PHKA1: variants seen among roughly 807,000 people sequenced by gnomAD.
PHKA1 encodes the protein phosphorylase b kinase regulatory subunit alpha, skeletal muscle isoform.
Under a neutral mutation model 110.2 loss-of-function variants are expected in PHKA1, and 60 were observed. The ratio of observed to expected loss-of-function variants is 0.54; its 90% CI spans 0.44 to 0.68. The LOEUF (loss-of-function observed/expected upper bound fraction) is 0.68. PHKA1 is among the 30% of genes least tolerant of loss of function. The pLI, the probability that PHKA1 is intolerant of heterozygous loss-of-function variation, is 0.00. For synonymous variants in PHKA1, 316 were observed against 333.6 expected (o/e 0.95, Z 0.58); for missense variants, 801 against 942.5 (o/e 0.85, Z 1.97).
chrX:72,699,877 C>T (rs782446987), intron 3 of PHKA1, among the ~76,000 whole-genome samples: 5 of 111,723 alleles, frequency 4.5e-5, no homozygotes, highest in Middle Eastern at 9.2e-3. Context: ...CAGGGACTAT[C>T]GTGGAAGAAG....
chrX:72,711,185 A>G (rs1321456063), intron 2 of PHKA1, among the ~76,000 whole-genome samples: 2 of 111,671 alleles, frequency 1.8e-5, no homozygotes, highest in Admixed American at 9.5e-5. Flanking sequence ...TAACTGGGCC[A>G]AATAAGAAAA....
intron 3 of PHKA1, among the ~76,000 whole-genome samples, chrX:72,703,564 C>G (rs1050088092): frequency 1.8e-5 from 2 of 110,660 alleles, no homozygotes; most frequent in Non-Finnish European, 3.8e-5. Context: ...ACCTGTAGTC[C>G]CAGTGATGCG....
At chrX:72,635,942 G>A (rs2053224757) in intron 15 of PHKA1, among the ~76,000 whole-genome samples, 1 of 111,495 alleles carries the variant, frequency 9.0e-6, no homozygotes, top group Non-Finnish European at 1.9e-5. Context: ...TTTAGTAGCT[G>A]AATAAAAAAG....
chrX:72,674,267 ATG>A (rs1424261303), intron 6 of PHKA1, among the ~76,000 whole-genome samples: 1 of 110,408 alleles, frequency 9.1e-6, no homozygotes, highest in Non-Finnish European at 1.9e-5. Flanking sequence ...CAATAAACAT[ATG>A]TGTGCATGTG....
Position 72,620,788 on chromosome X carries a change from C to T in PHKA1, c.2074G>A (p.Ala692Thr). 8.3e-7 allele frequency: 1 copy of T among 1,210,446 alleles called. No individual in the cohort carries two copies. The highest frequency in any genetic ancestry group is 1.1e-6 in the Non-Finnish European group (1 of 895,011). ...QKGGLDRFQA[A>T]VQTTCDLMSL... Reference sequence around the variant, plus strand: ...ATTAAGTCGCAGGTTGTTTGCACAGCAGCTTGGAACCGATCTAGCCCTCCC... The same window carrying T: ...ATTAAGTCGCAGGTTGTTTGCACAGTAGCTTGGAACCGATCTAGCCCTCCC... Residue 692 changes from alanine (A) to threonine (T), a missense_variant, in exon 19 of 32, where the codon GCT becomes ACT. Ala to Thr is a moderately conservative substitution (Grantham distance 58). This residue lies in a region of PHKA1 where 502 missense variants were observed against 519.2 expected (regional missense o/e 0.97). Transcript: ENST00000373542.
intron 8 of PHKA1, among the ~76,000 whole-genome samples, chrX:72,658,150 C>A (rs782480841): frequency 8.0e-5 from 9 of 112,121 alleles, no homozygotes; most frequent in African/African-American, 2.9e-4. Flanking sequence ...CCATAGAAAT[C>A]TGCCAAAACT....
chrX:72,704,568 T>G (rs1215742629), intron 3 of PHKA1, among the ~76,000 whole-genome samples: 2 of 108,679 alleles, frequency 1.8e-5, no homozygotes, highest in Non-Finnish European at 3.8e-5. Context: ...GGGTTTTGTG[T>G]ATGTGCATGT....
At position 72,593,256 on chromosome X, in the gene PHKA1, T is replaced by A; in HGVS notation, c.3091A>T (p.Thr1031Ser). 1 of 1,198,642 alleles carries A rather than the reference T, an allele frequency of 8.3e-7. No homozygotes were observed. The highest frequency in any genetic ancestry group is 1.7e-5 in the African/African-American group (1 of 57,490). ...AESQSPGTSM[T>S]PSSGSFPSAY... ...CTAGGAAAGGACCCACTACTTGGAG[T>A]CATAGAGGTTCCAGGTGACTTGGAA... The change falls in exon 29 of 32, where the codon ACT becomes TCT. Residue 1031 changes from threonine (T) to serine (S), a missense_variant. Thr to Ser is a moderately conservative substitution (Grantham distance 58). Around this residue, in one of 2 missense-constraint regions of PHKA1, gnomAD observed 502 missense variants for 519.2 expected, o/e 0.97. Coordinates refer to ENST00000373542, the MANE Select transcript of PHKA1 (RefSeq NM_002637.4).
chrX:72,671,329 A>G (rs1556309018), intron 6 of PHKA1, among the ~76,000 whole-genome samples: 1 of 110,999 alleles, frequency 9.0e-6, no homozygotes, highest in East Asian at 2.8e-4. Flanking sequence ...GTGAACTCCC[A>G]TTCACAATTG....
intron 3 of PHKA1, among the ~76,000 whole-genome samples, chrX:72,703,413 T>C (rs1254449840): frequency 8.9e-6 from 1 of 112,297 alleles, no homozygotes; most frequent in Non-Finnish European, 1.9e-5. Context: ...GCAAGGTGGC[T>C]CATGCCTATA....
chrX:72,605,295 G>A lies in PHKA1; in HGVS notation c.2791C>T (p.Leu931=). 8.3e-7 allele frequency: 1 copy of A among 1,205,138 alleles called. No homozygotes were observed. Among genetic ancestry groups the A allele is most frequent in the Non-Finnish European group, 1.1e-6 (1 of 889,382 alleles). The change falls in exon 25 of 32, where the codon CTG becomes TTG. Residue 931 remains leucine (L), a synonymous_variant. Transcript: ENST00000373542. ...GLIIQVMATE[L]AHSLRCSAEE... ...CCTGAGCATCGAAGGGAGTGGGCCA[G>A]TTCTGTTGCCATAACTTGTATGATC...
In PHKA1 at chrX:72,605,279, C is replaced by T; in HGVS notation, c.2807G>A (p.Arg936Gln). The T allele has an allele frequency of 3.3e-6, 4 of 1,203,089 alleles. No individual in the cohort carries two copies. The highest frequency in any genetic ancestry group is 1.7e-5 in the African/African-American group (1 of 57,605). The change falls in exon 25 of 32, where the codon CGA becomes CAA. Residue 936 changes from arginine to glutamine, a missense_variant. This residue lies in a region of PHKA1 where 502 missense variants were observed against 519.2 expected (regional missense o/e 0.97). Coordinates refer to ENST00000373542, the MANE Select transcript of PHKA1 (RefSeq NM_002637.4). ...VMATELAHSL[R>Q]CSAEEATEGL... The stretch of plus-strand genomic sequence containing the variant: ...GTTACTGAATTAAGTACCTGAGCAT[C>T]GAAGGGAGTGGGCCAGTTCTGTTGC...
chrX:72,688,344 C>T (rs1465997107), intron 4 of PHKA1, among the ~76,000 whole-genome samples: 2 of 111,894 alleles, frequency 1.8e-5, no homozygotes, highest in Admixed American at 9.5e-5. Context: ...CTTGGAAAGA[C>T]GCCGGTAAAG....
At chrX:72,605,668 C>T in intron 23 of PHKA1, 49 bp from the exon 24 acceptor site, 5 of 942,587 alleles carry the variant, frequency 5.3e-6, no homozygotes, top group Non-Finnish European at 7.6e-6. Context: ...ACCACTTAAT[C>T]TTAAATATGT....
intron 22 of PHKA1, among the ~76,000 whole-genome samples, chrX:72,609,935 G>T (rs1556257856): frequency 9.1e-6 from 1 of 110,454 alleles, no homozygotes; most frequent in African/African-American, 3.3e-5. Context: ...GGTTTATGGG[G>T]TTTTTTTCTT....
intron 13 of PHKA1, among the ~76,000 whole-genome samples, chrX:72,648,573 T>C (rs1196099692): frequency 9.0e-6 from 1 of 111,479 alleles, no homozygotes; most frequent in African/African-American, 3.3e-5. Flanking sequence ...TGTCTTTTTT[T>C]TTCCCCAATA....
intron 4 of PHKA1, among the ~76,000 whole-genome samples, chrX:72,690,180 T>A (rs1159564635): frequency 1.8e-5 from 2 of 111,769 alleles, no homozygotes; most frequent in African/African-American, 6.5e-5. Flanking sequence ...ATGGGGTCCT[T>A]TGAAGCACAA....
rs1556296540 is a variant in PHKA1, at chrX:72,644,392, G to A, written c.1429C>T (p.Arg477Cys). The part of the protein sequence containing the change: ...EVYPIRVQPA[R>C]ILSHIYSSLG... Reference sequence around the variant, plus strand: ...CTGGAATAAATGTGGCTGAGAATACGAGCTGGTTGTACTCTGATGGGGTAT... The same window carrying A: ...CTGGAATAAATGTGGCTGAGAATACAAGCTGGTTGTACTCTGATGGGGTAT... The change falls in exon 14 of 32, where the codon CGT becomes TGT. Residue 477 changes from arginine to cysteine, a missense_variant. Arg to Cys is a radical substitution (Grantham distance 180). This residue lies in a region of PHKA1 where 299 missense variants were observed against 423.3 expected (regional missense o/e 0.71). Coordinates refer to ENST00000373542, the MANE Select transcript of PHKA1 (RefSeq NM_002637.4). 12 of 1,207,585 alleles carry A rather than the reference G, an allele frequency of 9.9e-6. No individual in the cohort carries two copies. The highest frequency in any genetic ancestry group is 8.9e-5 in the South Asian group (5 of 56,484).
Position 72,589,127 on chromosome X carries a change from A to T in PHKA1, c.3243+3977T>A, listed in dbSNP as rs782551768. 8.4e-3 allele frequency among the ~76,000 whole-genome samples: 935 copies of T among 111,922 alleles called. 5 individuals carry two copies. Among genetic ancestry groups the T allele is most frequent in the Non-Finnish European group, 0.013 (703 of 53,204 alleles). On this transcript the variant is annotated intron_variant, in intron 29 of 31. Coordinates refer to ENST00000373542, the MANE Select transcript of PHKA1 (RefSeq NM_002637.4). The stretch of plus-strand genomic sequence containing the variant: ...AAGCCTGGCAGAGACACAACAAAAA[A>T]AGAGAATGTTAGACCAATATCCCTG...
Sources: allele counts gnomAD v4.1 joint callset (sites outside exome capture counted in the v4.1 genomes callset), GRCh38; gene constraint gnomAD v4.1.1; regional missense constraint gnomAD v4.1.1; transcripts MANE v1.5; gene names NCBI Gene and HGNC (gene_info 2026-07-23, HGNC 2026-07-21).